Variants in SMAD5 observed in about 807,000 individuals in gnomAD.
The protein encoded by SMAD5 is SMAD family member 5, also known as MAD, mothers against decapentaplegic homolog 5.
In SMAD5, 9 loss-of-function variants were observed where a neutral mutation model predicts 43.1. The ratio of observed to expected loss-of-function variants is 0.21; its 90% CI spans 0.13 to 0.36. SMAD5 has a LOEUF of 0.36. Ranked by LOEUF, SMAD5 falls within the 10% of genes least tolerant of loss-of-function variation. The pLI, the probability that SMAD5 is intolerant of heterozygous loss-of-function variation, is 1.00. For synonymous variants in SMAD5, 190 were observed against 192.4 expected (o/e 0.99, Z 0.10); for missense variants, 348 against 574.0 (o/e 0.61, Z 4.02).
chr5:136,153,905 A>G lies in SMAD5; in HGVS notation c.145A>G (p.Met49Val), dbSNP rs1413102221. 7.4e-6 allele frequency: 12 copies of G among 1,614,078 alleles called. No homozygotes were observed. The highest frequency in any genetic ancestry group is 1.0e-5 in the Non-Finnish European group (12 of 1,179,954). ...GAAACTAAAAAAGAAAAAGGGTGCC[A>G]TGGAGGAACTGGAGAAAGCCTTGAG... ...VKKLKKKKGA[M>V]EELEKALSSP... is the part of the protein sequence containing the mutation. Residue 49 changes from methionine (M) to valine (V), a missense_variant, in exon 3 of 8, where the codon ATG becomes GTG. Coordinates refer to ENST00000545279, the MANE Select transcript of SMAD5 (RefSeq NM_005903.7).
chr5:136,160,954 C>T lies in SMAD5; in HGVS notation c.502C>T (p.Pro168Ser). Residue 168 changes from proline (P) to serine (S), a missense_variant, in exon 4 of 8, where the codon CCA becomes TCA. Pro to Ser is a moderately conservative substitution (Grantham distance 74). Around this residue, in one of 5 missense-constraint regions of SMAD5, gnomAD observed 185 missense variants for 207.0 expected, o/e 0.89. Transcript: ENST00000545279. ...RNLSHNEPHM[P>S]QNATFPDSFH... Reference sequence around the variant, plus strand: ...CCTGAGCCACAATGAACCACACATGCCACAAAATGCCACGTTTCCAGATTC... The same window carrying T: ...CCTGAGCCACAATGAACCACACATGTCACAAAATGCCACGTTTCCAGATTC... The T allele has an allele frequency of 6.2e-7, 1 of 1,613,894 alleles. No individual in the cohort carries two copies. The highest frequency in any genetic ancestry group is 1.1e-5 in the South Asian group (1 of 91,080).
At chr5:136,163,811 G>GCAATAAATATATATTTATTTA (rs1753905897) in intron 5 of SMAD5, among the ~76,000 whole-genome samples, 1 of 152,096 alleles carries the variant, frequency 6.6e-6, no homozygotes, top group Admixed American at 6.6e-5. Flanking sequence ...TTGCTTAACA[G>GCAATAAATATATATTTATTTA]TACTCCTTTA....
intron 6 of SMAD5, among the ~76,000 whole-genome samples, 182 bp from the exon 7 acceptor site, chr5:136,174,194 G>T (rs781048196): frequency 2.0e-5 from 3 of 152,122 alleles, no homozygotes; most frequent in Non-Finnish European, 4.4e-5. Flanking sequence ...TCTTGTAGAT[G>T]CAGGCAGACA....
intron 1 of SMAD5, 154 bp from the exon 2 acceptor site, chr5:136,147,678 G>C (rs888573008): frequency 6.6e-6 from 1 of 151,774 alleles, no homozygotes; most frequent in African/African-American, 2.4e-5. Context: ...TTATAAGGCT[G>C]TTTTGAAATT....
In SMAD5 at chr5:136,161,000, C is replaced by T. The variant is rs1753806472; in HGVS notation, c.548C>T (p.Thr183Ile). The T allele has an allele frequency of 1.9e-6, 3 of 1,613,926 alleles. No individual in the cohort carries two copies. The African/African-American group carries it at 4.0e-5, about 22-fold the overall frequency. The change falls in exon 4 of 8, where the codon ACT (threonine) becomes ATT (isoleucine). Residue 183 changes from threonine to isoleucine, a missense_variant. This residue lies in a region of SMAD5 where 185 missense variants were observed against 207.0 expected (regional missense o/e 0.89). Transcript: ENST00000545279. Reference protein sequence around the residue: ...FPDSFHQPNNTPFPLSPNSPY... With the variant: ...FPDSFHQPNNIPFPLSPNSPY... ...GATTCTTTCCACCAGCCCAACAACA[C>T]TCCTTTTCCCTTATCTCCAAACAGC...
intron 7 of SMAD5, among the ~76,000 whole-genome samples, chr5:136,176,343 T>C (rs1754414156): frequency 1.3e-5 from 2 of 150,038 alleles, no homozygotes; most frequent in South Asian, 2.1e-4. Flanking sequence ...TAATCCCAGC[T>C]ACTAGGGAGG....
rs769856976 is a variant in SMAD5, at chr5:136,153,870, C to T, written c.110C>T (p.Ala37Val). The part of the protein sequence containing the change: ...EEKWAEKAVD[A>V]LVKKLKKKKG... ...AAATGGGCAGAAAAGGCAGTTGATG[C>T]TTTGGTGAAGAAACTAAAAAAGAAA... is the stretch of plus-strand genomic sequence containing the variant. The change falls in exon 3 of 8, where the codon GCT becomes GTT. Residue 37 changes from alanine to valine, a missense_variant. Ala to Val is a moderately conservative substitution (Grantham distance 64, BLOSUM62 0). Coordinates refer to ENST00000545279, the MANE Select transcript of SMAD5 (RefSeq NM_005903.7). 1 of 1,613,878 alleles carries T rather than the reference C, an allele frequency of 6.2e-7. No homozygotes were observed. Among genetic ancestry groups the T allele is most frequent in the Non-Finnish European group, 8.5e-7 (1 of 1,179,868 alleles).
intron 2 of SMAD5, among the ~76,000 whole-genome samples, chr5:136,149,065 G>A (rs1011889445): frequency 5.3e-5 from 8 of 151,776 alleles, no homozygotes; most frequent in Non-Finnish European, 1.2e-4. Flanking sequence ...GGCCTTGATG[G>A]CATAGGTTAG....
At chr5:136,134,220 G>A (rs960297929) in intron 1 of SMAD5, 1 of 152,606 alleles carries the variant, frequency 6.6e-6, no homozygotes, top group Non-Finnish European at 1.5e-5. Context: ...TAGCAGCAAA[G>A]ATTGAATAGG....
At chr5:136,142,593 G>A (rs1306750369) in intron 1 of SMAD5, among the ~76,000 whole-genome samples, 1 of 151,974 alleles carries the variant, frequency 6.6e-6, no homozygotes, top group African/African-American at 2.4e-5. Flanking sequence ...TCAATAAAAG[G>A]GTATTATCAA....
chr5:136,174,555 G>T lies in SMAD5; in HGVS notation c.1177G>T (p.Ala393Ser). 2 of 1,613,486 alleles carry T rather than the reference G, an allele frequency of 1.2e-6. No individual in the cohort carries two copies. The highest frequency in any genetic ancestry group is 1.7e-6 in the Non-Finnish European group (2 of 1,179,460). The change falls in exon 7 of 8, where the codon GCT becomes TCT. Residue 393 changes from alanine (A) to serine (S), a missense_variant. Coordinates refer to ENST00000545279, the MANE Select transcript of SMAD5 (RefSeq NM_005903.7). Reference protein sequence around the residue: ...FNNQEFAQLLAQSVNHGFEAV... With the variant: ...FNNQEFAQLLSQSVNHGFEAV... ...CAATCAGGAGTTTGCTCAGCTTCTG[G>T]CTCAATCTGTCAACCATGGGTTTGA...
intron 5 of SMAD5, among the ~76,000 whole-genome samples, chr5:136,167,986 A>G (rs769905392): frequency 2.0e-5 from 3 of 151,938 alleles, no homozygotes; most frequent in Non-Finnish European, 1.5e-5. Context: ...TATCATACGC[A>G]TGTGCCACCA....
At position 136,172,035 on chromosome 5, in the gene SMAD5, C is replaced by T. The variant is rs147323778; in HGVS notation, c.776-399C>T. Among the ~76,000 whole-genome samples, 225 of 152,272 alleles carry T rather than the reference C, an allele frequency of 1.5e-3. 3 individuals carry two copies. Among genetic ancestry groups the T allele is most frequent in the African/African-American group, 5.1e-3 (213 of 41,556 alleles). On this transcript the variant is annotated intron_variant, in intron 5 of 7. Transcript: ENST00000545279. ...ATGCACTGAGGAGGGGCCATATGAG[C>T]ACACAGTGAGAAAGCAGCTGTCTGC... is the stretch of plus-strand genomic sequence containing the variant.
At chr5:136,134,654 A>G (rs114272017) in intron 1 of SMAD5, 3 of 152,248 alleles carry the variant, frequency 2.0e-5, no homozygotes, top group East Asian at 3.8e-4. Flanking sequence ...GTAAAAATGC[A>G]AAACTTAGAC....
At chr5:136,161,180 T>C (rs1013144090) in intron 4 of SMAD5, 73 bp downstream of exon 4, 4 of 1,405,398 alleles carry the variant, frequency 2.8e-6, no homozygotes, top group Admixed American at 4.0e-5. Context: ...CTGTGGGCCC[T>C]CTGGGTGAAC....
intron 1 of SMAD5, among the ~76,000 whole-genome samples, chr5:136,136,375 A>G (rs1388589534): frequency 6.6e-6 from 1 of 152,064 alleles, no homozygotes; most frequent in East Asian, 1.9e-4. Context: ...ACGGTGTTTC[A>G]CCATGTTCGC....
At chr5:136,168,641 T>TA (rs1754103661) in intron 5 of SMAD5, among the ~76,000 whole-genome samples, 1 of 152,236 alleles carries the variant, frequency 6.6e-6, no homozygotes, top group Non-Finnish European at 1.5e-5. Context: ...CTGTGGGTTT[T>TA]TAACACATGT....
chr5:136,145,516 A>G (rs1753230690), intron 1 of SMAD5, among the ~76,000 whole-genome samples: 1 of 151,878 alleles, frequency 6.6e-6, no homozygotes, highest in Admixed American at 6.6e-5. Context: ...AGAAAGCATT[A>G]TGCCATTTAC....
chr5:136,164,789 T>C (rs1478631858), intron 5 of SMAD5, among the ~76,000 whole-genome samples: 1 of 152,186 alleles, frequency 6.6e-6, no homozygotes, highest in Non-Finnish European at 1.5e-5. Flanking sequence ...GAAATTTTTG[T>C]CTATCCCAAG....
Sources: gnomAD v4.1 joint callset for allele counts (sites outside exome capture counted in the v4.1 genomes callset) on GRCh38, gnomAD v4.1.1 for gene constraint, gnomAD v4.1.1 regional missense constraint, MANE v1.5 for transcripts, NCBI Gene and HGNC (gene_info 2026-07-23, HGNC 2026-07-21) for gene names.